The following MINAR2 variants were observed in gnomAD, a reference collection of about 807,000 sequenced individuals.
MINAR2 encodes the protein major intrinsically disordered NOTCH2-binding receptor 1-like.
A neutral mutation model predicts 16.1 loss-of-function variants in MINAR2; 21 were observed. That is an observed-to-expected ratio of 1.31 (90% confidence interval 0.93 to 1.88). The LOEUF (loss-of-function observed/expected upper bound fraction) is 1.88, where lower values mean the gene tolerates loss of function less well. Ranked by LOEUF, MINAR2 falls within the 40% of genes most tolerant of loss-of-function variation. The pLI is 0.00. For synonymous variants in MINAR2, 86 were observed against 83.0 expected, an observed-to-expected ratio of 1.04 and a Z score of -0.20; for missense variants, 259 against 229.8, an observed-to-expected ratio of 1.13 and a Z score of -0.82.
Position 129,766,207 on chromosome 5 carries a change from C to A in MINAR2, c.*1144C>A, listed in dbSNP as rs1487563370. ...CTTTTCTCATCTTTAAACAACCCAG[C>A]CAAAGGCTATCTTATGCAAGAAACA... On this transcript the variant is annotated 3_prime_UTR_variant, in exon 3 of 3. Transcript: ENST00000564719. 6.6e-6 allele frequency: 1 copy of A among 152,210 alleles called. No individual in the cohort carries two copies. Among genetic ancestry groups the A allele is most frequent in the Non-Finnish European group, 1.5e-5 (1 of 68,050 alleles). 9.4% of individuals were successfully genotyped at this position (152,210 alleles called of 1,614,324 possible).
chr5:129,762,120 G>A (rs191918785), intron 2 of MINAR2, among the ~76,000 whole-genome samples: 10 of 151,880 alleles, frequency 6.6e-5, no homozygotes, highest in African/African-American at 2.4e-4. Flanking sequence ...CCGTGGCACA[G>A]GTATAACTAT....
rs1373715827 is a variant in MINAR2 at position 129,766,359 on chromosome 5, T to A, written c.*1296T>A. On this transcript the variant is annotated 3_prime_UTR_variant, in exon 3 of 3. Coordinates refer to ENST00000564719, the MANE Select transcript of MINAR2 (RefSeq NM_001257308.2). Reference sequence around the variant, plus strand: ...AAGTACAGTAAAAGACAGTTTGGGCTGGGCGCGGTGGCTCGCGCCTGTAAT... The same window carrying A: ...AAGTACAGTAAAAGACAGTTTGGGCAGGGCGCGGTGGCTCGCGCCTGTAAT... 2.0e-5 allele frequency: 3 copies of A among 152,236 alleles called. No individual in the cohort carries two copies. The highest frequency in any genetic ancestry group is 7.2e-5 in the African/African-American group (3 of 41,452). The allele number at this position is 152,236 out of a possible 1,614,324, so 9.4% of individuals were successfully genotyped here.
At chr5:129,755,527 T>TA (rs929621400) in intron 1 of MINAR2, among the ~76,000 whole-genome samples, 12 of 151,212 alleles carry the variant, frequency 7.9e-5, no homozygotes, top group Non-Finnish European at 1.8e-4. Context: ...GTTTGTTAAT[T>TA]TTTTTTTTAG....
intron 1 of MINAR2, among the ~76,000 whole-genome samples, chr5:129,759,842 A>C (rs1291315037): frequency 6.6e-6 from 1 of 152,146 alleles, no homozygotes; most frequent in Non-Finnish European, 1.5e-5. Context: ...GTCTTTACAC[A>C]CACACATGCT....
chr5:129,755,828 C>T (rs1018337548), intron 1 of MINAR2, among the ~76,000 whole-genome samples: 1 of 151,946 alleles, frequency 6.6e-6, no homozygotes, highest in Non-Finnish European at 1.5e-5. Flanking sequence ...TCTGTCTTTA[C>T]ATTTATGATT....
In MINAR2 at chr5:129,763,579, A is replaced by C. The variant is rs146692478; in HGVS notation, c.394-1305A>C. 2.6e-3 allele frequency among the ~76,000 whole-genome samples: 389 copies of C among 152,304 alleles called. 2 individuals carry two copies. The highest frequency in any genetic ancestry group is 8.2e-3 in the African/African-American group (342 of 41,566). On this transcript the variant is annotated intron_variant, in intron 2 of 2. Coordinates refer to ENST00000564719, the MANE Select transcript of MINAR2 (RefSeq NM_001257308.2). ...GAGAACAGAGGCATTAAACTTACAG[A>C]GTGCAGGCCTCTGATGATAGGACAC...
At chr5:129,760,113 G>A (rs1251373694) in intron 1 of MINAR2, among the ~76,000 whole-genome samples, 1 of 152,146 alleles carries the variant, frequency 6.6e-6, no homozygotes, top group Non-Finnish European at 1.5e-5. Context: ...GAATTAGAGA[G>A]TAAAGAAGGC....
At chr5:129,758,519 T>C (rs1396484106) in intron 1 of MINAR2, among the ~76,000 whole-genome samples, 1 of 152,044 alleles carries the variant, frequency 6.6e-6, no homozygotes, top group Non-Finnish European at 1.5e-5. Flanking sequence ...AAAATGTATC[T>C]CTGAGTATTT....
chr5:129,752,574 G>A (rs1455973443), intron 1 of MINAR2, among the ~76,000 whole-genome samples: 4 of 152,040 alleles, frequency 2.6e-5, no homozygotes, highest in African/African-American at 9.7e-5. Context: ...ACCTGTCCGG[G>A]GTTTAATGGC....
Position 129,748,276 on chromosome 5 carries a change from T to A in MINAR2, c.86T>A (p.Leu29His). 2.0e-6 allele frequency: 3 copies of A among 1,535,242 alleles called. No individual in the cohort carries two copies. The highest frequency in any genetic ancestry group is 2.6e-6 in the Non-Finnish European group (3 of 1,146,582). The change falls in exon 1 of 3, where the codon CTC becomes CAC. Residue 29 changes from leucine (L) to histidine (H), a missense_variant. Coordinates refer to ENST00000564719, the MANE Select transcript of MINAR2 (RefSeq NM_001257308.2). ...DVKSLTRSSALLQASLVRFPG... is the reference protein window; with the variant it reads ...DVKSLTRSSAHLQASLVRFPG... ...AAGTCTTTAACGAGGAGCTCAGCCC[T>A]CCTTCAGGCCAGCCTGGTGAGGTTT...
intron 1 of MINAR2, among the ~76,000 whole-genome samples, chr5:129,752,454 C>G (rs951151988): frequency 6.6e-6 from 1 of 152,132 alleles, no homozygotes; most frequent in African/African-American, 2.4e-5. Flanking sequence ...CCATCATTCT[C>G]AGCAAACTAT....
chr5:129,753,891 T>C (rs1581289316), intron 1 of MINAR2, among the ~76,000 whole-genome samples: 1 of 152,246 alleles, frequency 6.6e-6, no homozygotes, highest in East Asian at 1.9e-4. Flanking sequence ...TCATTTCTCC[T>C]TTCTAAGCTT....
At chr5:129,749,312 G>T (rs1413282059) in intron 1 of MINAR2, among the ~76,000 whole-genome samples, 2 of 152,104 alleles carry the variant, frequency 1.3e-5, no homozygotes, top group Non-Finnish European at 2.9e-5. Context: ...CATGAGTCCT[G>T]GTGTAAAGTG....
intron 2 of MINAR2, 98 bp downstream of exon 2, chr5:129,760,703 A>G (rs1033060442): frequency 2.6e-5 from 23 of 879,686 alleles, no homozygotes; most frequent in Non-Finnish European, 3.8e-5. Flanking sequence ...ACTCTTCACT[A>G]GGCGCAGAAT....
chr5:129,761,487 A>G (rs1395174657), intron 2 of MINAR2, among the ~76,000 whole-genome samples: 1 of 152,024 alleles, frequency 6.6e-6, no homozygotes, highest in Non-Finnish European at 1.5e-5. Flanking sequence ...ACTTTTTACA[A>G]TTTCAAATAT....
At chr5:129,757,844 C>T (rs1358194030) in intron 1 of MINAR2, among the ~76,000 whole-genome samples, 1 of 151,872 alleles carries the variant, frequency 6.6e-6, no homozygotes, top group East Asian at 1.9e-4. Flanking sequence ...TGCATGGATT[C>T]ACACACACAT....
chr5:129,764,835 CACTG>C, intron 2 of MINAR2, 45 bp from the exon 3 acceptor site: 1 of 1,026,882 alleles, frequency 9.7e-7, no homozygotes, highest in Non-Finnish European at 1.3e-6. Flanking sequence ...TAATTTGTAA[CACTG>C]ACTGATTACT....
At chr5:129,762,696 T>C in intron 2 of MINAR2, 1 of 254,036 alleles carries the variant, frequency 3.9e-6, no homozygotes, top group Non-Finnish European at 8.6e-6. Flanking sequence ...ATATTAAGAA[T>C]GGTTATTACT....
intron 1 of MINAR2, among the ~76,000 whole-genome samples, chr5:129,752,447 T>C (rs1561683655): frequency 6.6e-6 from 1 of 152,016 alleles, no homozygotes; most frequent in Non-Finnish European, 1.5e-5. Flanking sequence ...CTGGAAACCA[T>C]CATTCTCAGC....
Sources: allele counts gnomAD v4.1 joint callset (sites outside exome capture counted in the v4.1 genomes callset), GRCh38; gene constraint gnomAD v4.1.1; transcripts MANE v1.5; gene names NCBI Gene and HGNC (gene_info 2026-07-23, HGNC 2026-07-21).